CADM2: variants seen among roughly 807,000 people sequenced by gnomAD.
The protein encoded by CADM2 is immunoglobulin superfamily member 4D.
In CADM2, 12 loss-of-function variants were observed where a neutral mutation model predicts 49.8. The ratio of observed to expected loss-of-function variants is 0.24; its 90% CI spans 0.15 to 0.39. The LOEUF is 0.39. Ranked by LOEUF, CADM2 falls within the 10% of genes least tolerant of loss-of-function variation. The pLI is 1.00. For synonymous variants in CADM2, 214 were observed against 175.4 expected (o/e 1.22, Z -1.74); for missense variants, 378 against 492.3 (o/e 0.77, Z 2.20).
chr3:85,753,090 A>G (rs2068940109), intron 2 of CADM2, among the ~76,000 whole-genome samples: 1 of 152,116 alleles, frequency 6.6e-6, no homozygotes, highest in South Asian at 2.1e-4. Context: ...TCCTTTTAAC[A>G]TGACAGAATT....
chr3:85,669,445 G>A (rs1336336312), intron 1 of CADM2, among the ~76,000 whole-genome samples: 1 of 152,138 alleles, frequency 6.6e-6, no homozygotes, highest in Non-Finnish European at 1.5e-5. Context: ...ACACTACAAT[G>A]CATAGATATA....
chr3:86,043,943 G>T (rs183554585), intron 8 of CADM2, among the ~76,000 whole-genome samples: 1 of 152,016 alleles, frequency 6.6e-6, no homozygotes, highest in Non-Finnish European at 1.5e-5. Context: ...CAAACCTGAC[G>T]AAAACAAGAA....
intron 1 of CADM2, among the ~76,000 whole-genome samples, chr3:85,010,851 CTTTTTTTTTTTTTT>C (rs71105001): frequency 0.011 from 391 of 35,680 alleles, 8 homozygotes; most frequent in Non-Finnish European, 0.014. Context: ...CTGTTTATGT[CTTTTTTTTTTTTTT>C]TTTTTTTTTT....
chr3:85,528,286 A>T (rs538186664), intron 1 of CADM2, among the ~76,000 whole-genome samples: 13 of 151,764 alleles, frequency 8.6e-5, no homozygotes, highest in African/African-American at 2.9e-4. Flanking sequence ...AAAGTAGCTT[A>T]GTTCAAGAGT....
At chr3:85,272,720 A>G (rs950183654) in intron 1 of CADM2, among the ~76,000 whole-genome samples, 2 of 151,218 alleles carry the variant, frequency 1.3e-5, no homozygotes, top group African/African-American at 2.4e-5. Flanking sequence ...TCACTTCACC[A>G]GTTGAGAATA....
intron 1 of CADM2, among the ~76,000 whole-genome samples, chr3:85,339,052 T>C (rs529856615): frequency 6.6e-6 from 1 of 151,586 alleles, no homozygotes; most frequent in Middle Eastern, 3.2e-3. Context: ...TTAAGTCTGA[T>C]AGGTAAATTT....
intron 2 of CADM2, among the ~76,000 whole-genome samples, chr3:85,798,673 C>A (rs1559664524): frequency 2.0e-5 from 3 of 152,074 alleles, no homozygotes; most frequent in African/African-American, 7.2e-5. Context: ...TTACTGCAGC[C>A]TTGTGATATA....
rs1045517971 is a variant in CADM2, at chr3:85,817,687, C to T, written c.238+15491C>T. 4.6e-5 allele frequency among the ~76,000 whole-genome samples: 7 copies of T among 152,034 alleles called. No individual in the cohort carries two copies. In the East Asian group the frequency reaches 1.4e-3, roughly 29 times the overall value. On this transcript the variant is annotated intron_variant, in intron 3 of 9. Transcript: ENST00000383699. ...CGTGGATTTGTGTGTGATCTTGAAC[C>T]GACCTTGACTGATTGCATAAACCAA...
At chr3:85,345,070 T>G (rs1576386038) in intron 1 of CADM2, among the ~76,000 whole-genome samples, 1 of 151,572 alleles carries the variant, frequency 6.6e-6, no homozygotes, top group South Asian at 2.1e-4. Flanking sequence ...TAATCCAGCA[T>G]TTTGGGAGGC....
chr3:85,725,274 ATTATCTGTAAG>A (rs2067655704), intron 1 of CADM2, among the ~76,000 whole-genome samples: 1 of 152,010 alleles, frequency 6.6e-6, no homozygotes, highest in South Asian at 2.1e-4. Flanking sequence ...GAAAACAAAA[ATTATCTGTAAG>A]TAGCCTGGTA....
intron 1 of CADM2, among the ~76,000 whole-genome samples, chr3:85,520,159 T>A (rs1034957279): frequency 2.6e-5 from 4 of 151,988 alleles, no homozygotes; most frequent in Admixed American, 1.3e-4. Context: ...AAACTTCAAC[T>A]CTTTCGTTTA....
At chr3:85,429,835 A>C (rs1429572683) in intron 1 of CADM2, among the ~76,000 whole-genome samples, 1 of 152,204 alleles carries the variant, frequency 6.6e-6, no homozygotes, top group Admixed American at 6.6e-5. Context: ...TGGCTTTTAC[A>C]TTTTAATATG....
chr3:85,281,552 T>C (rs1393830930), intron 1 of CADM2, among the ~76,000 whole-genome samples: 3 of 152,086 alleles, frequency 2.0e-5, no homozygotes, highest in Non-Finnish European at 4.4e-5. Context: ...ATTGCCTGTT[T>C]AAACACATTT....
intron 1 of CADM2, among the ~76,000 whole-genome samples, chr3:85,372,790 G>A (rs1328561104): frequency 6.6e-6 from 1 of 152,158 alleles, no homozygotes; most frequent in Non-Finnish European, 1.5e-5. Flanking sequence ...AGGAGCAAAG[G>A]CATGTCTTAC....
At chr3:86,010,828 C>A (rs1165145440) in intron 8 of CADM2, among the ~76,000 whole-genome samples, 2 of 151,166 alleles carry the variant, frequency 1.3e-5, no homozygotes, top group South Asian at 2.1e-4. Flanking sequence ...TATTAATATG[C>A]ACAAATAATC....
At chr3:85,969,079 C>T (rs1450815159) in intron 8 of CADM2, among the ~76,000 whole-genome samples, 1 of 151,558 alleles carries the variant, frequency 6.6e-6, no homozygotes, top group Non-Finnish European at 1.5e-5. Context: ...CTGGCTTAGA[C>T]TAGGGTCCCT....
At chr3:85,601,611 T>C (rs937417184) in intron 1 of CADM2, among the ~76,000 whole-genome samples, 2 of 151,590 alleles carry the variant, frequency 1.3e-5, no homozygotes, top group Non-Finnish European at 3.0e-5. Context: ...TTTTTCTTTT[T>C]TAGGCTAATT....
chr3:85,245,286 G>A (rs184255234), intron 1 of CADM2, among the ~76,000 whole-genome samples: 5 of 152,208 alleles, frequency 3.3e-5, no homozygotes, highest in Non-Finnish European at 5.9e-5. Context: ...GCCGAGGCGG[G>A]CGGATCACGA....
At chr3:85,225,102 A>G (rs1048827421) in intron 1 of CADM2, among the ~76,000 whole-genome samples, 3 of 152,126 alleles carry the variant, frequency 2.0e-5, no homozygotes, top group Admixed American at 6.6e-5. Context: ...TTGGTTCCAT[A>G]TGAACTTTAA....
Sources: gnomAD v4.1 joint callset for allele counts (sites outside exome capture counted in the v4.1 genomes callset) on GRCh38, gnomAD v4.1.1 for gene constraint, MANE v1.5 for transcripts, NCBI Gene and HGNC (gene_info 2026-07-23, HGNC 2026-07-21) for gene names.